Variants in PRKN observed in about 807,000 individuals in gnomAD.
The protein encoded by PRKN is E3 ubiquitin-protein ligase parkin.
A neutral mutation model predicts 59.5 loss-of-function variants in PRKN; 56 were observed. The observed-to-expected ratio is 0.94, with a 90% CI of 0.76 to 1.18. The LOEUF (loss-of-function observed/expected upper bound fraction) is 1.18. Ranked by LOEUF, PRKN falls within the 50% of genes most tolerant of loss-of-function variation. The pLI is 0.00. For missense variants in PRKN, 657 were observed against 596.4 expected (o/e 1.10, Z -1.06); for synonymous variants, 250 against 222.1 (o/e 1.13, Z -1.12).
chr6:161,743,161 G>C (rs981034060), intron 7 of PRKN, among the ~76,000 whole-genome samples: 2 of 142,710 alleles, frequency 1.4e-5, no homozygotes, highest in East Asian at 2.1e-4. Context: ...TCTTCCTGCT[G>C]TTCTGCCCTG....
chr6:162,448,417 T>C (rs1475878554), intron 1 of PRKN, among the ~76,000 whole-genome samples: 1 of 152,108 alleles, frequency 6.6e-6, no homozygotes, highest in African/African-American at 2.4e-5. Flanking sequence ...TTTATACTCT[T>C]CCGTGAGCCA....
At chr6:162,363,131 CA>C (rs34722234) in intron 2 of PRKN, among the ~76,000 whole-genome samples, 52,323 of 98,806 alleles carry the variant, frequency 0.53, 11,306 homozygotes, top group Middle Eastern at 0.57. Flanking sequence ...CCTTCTCAAA[CA>C]AAAAAAAAAA....
At chr6:161,406,217 C>CATAT (rs10606249) in intron 9 of PRKN, among the ~76,000 whole-genome samples, 3 of 150,466 alleles carry the variant, frequency 2.0e-5, no homozygotes, top group African/African-American at 7.3e-5. Flanking sequence ...CACATATATA[C>CATAT]ATATATATAT....
intron 7 of PRKN, among the ~76,000 whole-genome samples, chr6:161,721,079 T>C (rs886564627): frequency 1.3e-5 from 2 of 152,232 alleles, no homozygotes; most frequent in African/African-American, 4.8e-5. Context: ...TAACATCCGA[T>C]CCATGGGCAG....
intron 5 of PRKN, among the ~76,000 whole-genome samples, chr6:162,036,295 G>A (rs1429553246): frequency 6.6e-6 from 1 of 151,914 alleles, no homozygotes; most frequent in Non-Finnish European, 1.5e-5. Flanking sequence ...CTGCACTCCA[G>A]CCTGGGCAAC....
chr6:161,999,770 G>A (rs186340164), intron 5 of PRKN, among the ~76,000 whole-genome samples: 17 of 152,130 alleles, frequency 1.1e-4, no homozygotes, highest in Non-Finnish European at 2.2e-4. Flanking sequence ...GCTAATTTCC[G>A]CAAACAAGCT....
intron 3 of PRKN, among the ~76,000 whole-genome samples, chr6:162,258,620 C>A (rs1223584398): frequency 1.3e-5 from 2 of 152,176 alleles, no homozygotes; most frequent in Admixed American, 1.3e-4. Context: ...AGCCCCTGGG[C>A]CCGCGGTGTT....
intron 1 of PRKN, among the ~76,000 whole-genome samples, chr6:162,631,282 C>T (rs1307989694): frequency 2.0e-5 from 3 of 152,102 alleles, no homozygotes; most frequent in Admixed American, 2.0e-4. Context: ...TCTATAAATT[C>T]AATGTCAAAA....
chr6:162,539,655 G>T (rs1313144422), intron 1 of PRKN, among the ~76,000 whole-genome samples: 1 of 152,144 alleles, frequency 6.6e-6, no homozygotes, highest in Non-Finnish European at 1.5e-5. Context: ...CAGCTTAATT[G>T]TTTAGGAACT....
chr6:161,591,188 T>A (rs1392280036), intron 7 of PRKN, among the ~76,000 whole-genome samples: 2 of 152,110 alleles, frequency 1.3e-5, no homozygotes, highest in Non-Finnish European at 2.9e-5. Context: ...AAGAAACAAA[T>A]GTGGTCAGTG....
intron 2 of PRKN, among the ~76,000 whole-genome samples, chr6:162,418,612 C>CTGTGTGTGTGTGTGTGTGTG (rs1388038881): frequency 1.3e-5 from 1 of 76,724 alleles, no homozygotes; most frequent in South Asian, 5.0e-4. Context: ...GAGGGACAGA[C>CTGTGTGTGTGTGTGTGTGTG]AGTGTGTGTG....
intron 4 of PRKN, among the ~76,000 whole-genome samples, chr6:162,060,804 A>G (rs779234759): frequency 5.3e-5 from 8 of 152,244 alleles, no homozygotes; most frequent in Non-Finnish European, 7.3e-5. Context: ...TGGCATTTAC[A>G]GTTTTTGAAA....
intron 9 of PRKN, among the ~76,000 whole-genome samples, chr6:161,512,415 T>C (rs1030649132): frequency 1.3e-5 from 2 of 152,172 alleles, no homozygotes; most frequent in Non-Finnish European, 2.9e-5. Flanking sequence ...TGATGAAGTG[T>C]ATTGCTATTG....
At chr6:162,419,367 T>C (rs1388097864) in intron 2 of PRKN, among the ~76,000 whole-genome samples, 1 of 152,156 alleles carries the variant, frequency 6.6e-6, no homozygotes, top group East Asian at 1.9e-4. Context: ...GTGTGATTAA[T>C]AATAATAGCT....
At chr6:161,959,095 T>G (rs1320519287) in intron 6 of PRKN, among the ~76,000 whole-genome samples, 2 of 152,208 alleles carry the variant, frequency 1.3e-5, no homozygotes, top group African/African-American at 2.4e-5. Context: ...ACTGTACACT[T>G]TCTCTTCTAA....
rs150230576 is a variant in PRKN, at chr6:162,657,544, G to T, written c.7+70118C>A. Among the ~76,000 whole-genome samples, 1,330 of 152,122 alleles carry T rather than the reference G, an allele frequency of 8.7e-3. 17 individuals are homozygous for T. The highest frequency in any genetic ancestry group is 0.03 in the African/African-American group (1,258 of 41,482). On this transcript the variant is annotated intron_variant, in intron 1 of 11. Coordinates refer to ENST00000366898, the MANE Select transcript of PRKN (RefSeq NM_004562.3). Reference sequence around the variant, plus strand: ...AAAAAGTTCTCTTAAGAGTTTTCAGGACAAAGAATACATAATGTTTCATCT... The same window carrying T: ...AAAAAGTTCTCTTAAGAGTTTTCAGTACAAAGAATACATAATGTTTCATCT...
intron 2 of PRKN, among the ~76,000 whole-genome samples, chr6:162,265,622 C>A (rs531016663): frequency 1.3e-5 from 2 of 152,082 alleles, no homozygotes; most frequent in Non-Finnish European, 1.5e-5. Context: ...ACCCAGGAGG[C>A]GAAGGTTGCA....
chr6:162,396,737 C>A (rs1213617772), intron 2 of PRKN, among the ~76,000 whole-genome samples: 1 of 152,116 alleles, frequency 6.6e-6, no homozygotes, highest in Non-Finnish European at 1.5e-5. Flanking sequence ...AAATTAATCA[C>A]CCTCCCATAT....
intron 7 of PRKN, among the ~76,000 whole-genome samples, chr6:161,617,371 C>T (rs543173148): frequency 2.4e-4 from 37 of 152,228 alleles, no homozygotes; most frequent in African/African-American, 5.8e-4. Flanking sequence ...TTCACTCTGA[C>T]GATAAATTTC....
Sources: gnomAD v4.1 joint callset for allele counts (sites outside exome capture counted in the v4.1 genomes callset) on GRCh38, gnomAD v4.1.1 for gene constraint, MANE v1.5 for transcripts, NCBI Gene and HGNC (gene_info 2026-07-23, HGNC 2026-07-21) for gene names.